C1orf141: variants seen among roughly 807,000 people sequenced by gnomAD.
C1orf141 encodes uncharacterized protein C1orf141.
C1orf141 carries 19 observed loss-of-function variants against 23.2 expected under a neutral mutation model. The observed-to-expected ratio is 0.82, with a 90% CI of 0.57 to 1.20. The LOEUF (loss-of-function observed/expected upper bound fraction) is 1.20. Ranked by LOEUF, C1orf141 falls within the 50% of genes most tolerant of loss-of-function variation. The probability of loss-of-function intolerance (pLI) is 0.00; values close to 1 mark genes in which losing one functional copy is unlikely to be tolerated. For missense variants in C1orf141, 469 were observed against 455.1 expected (o/e 1.03, Z -0.28); for synonymous variants, 153 against 154.6 (o/e 0.99, Z 0.08).
chr1:67,109,648 T>C (rs1395666515), intron 5 of C1orf141, among the ~76,000 whole-genome samples: 1 of 152,252 alleles, frequency 6.6e-6, no homozygotes, highest in Non-Finnish European at 1.5e-5. Context: ...GGTTCTGTCA[T>C]ATACTATTTG....
At chr1:67,123,823 C>G (rs1646349887) in intron 4 of C1orf141, 1 of 151,998 alleles carries the variant, frequency 6.6e-6, no homozygotes, top group African/African-American at 2.4e-5. Flanking sequence ...GATATCTCTA[C>G]CTGAATGTTT....
chr1:67,117,378 G>A (rs530221717), intron 4 of C1orf141, among the ~76,000 whole-genome samples: 13 of 152,238 alleles, frequency 8.5e-5, no homozygotes, highest in African/African-American at 2.2e-4. Context: ...AGCTGAGATC[G>A]TGCCACTGCA....
At position 67,102,307 on chromosome 1, in the gene C1orf141, CGTGTGTGT is replaced by C. The variant is rs57508145; in HGVS notation, c.347-5994_347-5987del. Among the ~76,000 whole-genome samples the C allele has an allele frequency of 5.4e-3, 748 of 139,594 alleles. 5 individuals are homozygous for C. Among genetic ancestry groups the C allele is most frequent in the East Asian group, 0.026 (123 of 4,730 alleles). 91.6% of individuals were successfully genotyped at this position (139,594 alleles called of 152,430 possible). A position where few individuals can be genotyped will look rare whatever the true frequency, so the allele number is the denominator to read the frequency against. ...CTCTAGGAAGATGAATCTTCTGCTC[CGTGTGTGT>C]GTGTGTGTGTGTGTGTGTGTGTGTG... On this transcript the variant is annotated intron_variant, in intron 5 of 7. Coordinates refer to ENST00000684719, the MANE Select transcript of C1orf141 (RefSeq NM_001276351.2).
intron 4 of C1orf141, among the ~76,000 whole-genome samples, chr1:67,120,627 C>T (rs577042442): frequency 1.1e-4 from 17 of 152,204 alleles, no homozygotes; most frequent in African/African-American, 4.1e-4. Flanking sequence ...GAGAGAGGTG[C>T]TATCTGTCTC....
chr1:67,098,075 G>A (rs2102419136), intron 5 of C1orf141, among the ~76,000 whole-genome samples: 1 of 152,246 alleles, frequency 6.6e-6, no homozygotes, highest in Non-Finnish European at 1.5e-5. Flanking sequence ...TTGTCACCCT[G>A]GCAGACGAAT....
chr1:67,131,882 T>C (rs1646522519), intron 1 of C1orf141, among the ~76,000 whole-genome samples: 1 of 151,052 alleles, frequency 6.6e-6, no homozygotes, highest in African/African-American at 2.4e-5. Context: ...CCTCCCGGGT[T>C]CAAGTGATTC....
At position 67,112,418 on chromosome 1, in the gene C1orf141, T is replaced by C. The variant is rs145456752; in HGVS notation, c.346+2934A>G. ...AATAAACAAACAAAAAAACAAGACA[T>C]TGGACTTGTGCAGTGGCTTACACCT... On this transcript the variant is annotated intron_variant, in intron 5 of 7. Transcript: ENST00000684719. 3.7e-3 allele frequency among the ~76,000 whole-genome samples: 569 copies of C among 152,148 alleles called. 2 individuals are homozygous for C. The highest frequency in any genetic ancestry group is 0.017 in the Middle Eastern group (5 of 294).
At chr1:67,127,712 G>A (rs1646443102) in intron 2 of C1orf141, among the ~76,000 whole-genome samples, 1 of 152,088 alleles carries the variant, frequency 6.6e-6, no homozygotes, top group Admixed American at 6.6e-5. Flanking sequence ...TTGGCTCACT[G>A]CAACCTCCAC....
intron 5 of C1orf141, among the ~76,000 whole-genome samples, chr1:67,107,638 C>T (rs1045226991): frequency 6.6e-6 from 1 of 152,172 alleles, no homozygotes; most frequent in Non-Finnish European, 1.5e-5. Context: ...CCTGTAATCC[C>T]CGCACTTTGG....
chr1:67,121,887 C>T (rs1484783581), intron 4 of C1orf141: 5 of 152,098 alleles, frequency 3.3e-5, no homozygotes, highest in Non-Finnish European at 1.5e-5. Context: ...CTGACCATAC[C>T]CCTCTCCATT....
In C1orf141 at chr1:67,115,422, A is replaced by G. The variant is rs1336261544; in HGVS notation, c.276T>C (p.Asn92=). The G allele has an allele frequency of 2.0e-6, 3 of 1,511,514 alleles. No homozygotes were observed. Among genetic ancestry groups the G allele is most frequent in the Non-Finnish European group, 1.8e-6 (2 of 1,101,004 alleles). The allele number at this position is 1,511,514 out of a possible 1,614,324, so 93.6% of individuals were successfully genotyped here. ...ATGGTCTTAAATTTGACTTTTCAAA[A>G]TTACTCTTTCTAGGTTCAGGCTCAC... ...FKCEPEPRKS[N]FEKSNLRPFF... The change falls in exon 5 of 8, where the codon AAT becomes AAC. Residue 92 remains asparagine (N), a synonymous_variant. Transcript: ENST00000684719.
chr1:67,099,586 C>G (rs951165327), intron 5 of C1orf141, among the ~76,000 whole-genome samples: 5 of 152,110 alleles, frequency 3.3e-5, no homozygotes, highest in Admixed American at 1.3e-4. Flanking sequence ...TTGAGAGCAG[C>G]CTGACCAATA....
At chr1:67,095,589 G>A (rs1192225936) in intron 6 of C1orf141, 168 bp from the exon 7 acceptor site, 5 of 504,988 alleles carry the variant, frequency 9.9e-6, no homozygotes, top group African/African-American at 5.9e-5. Flanking sequence ...GTTTGTGGGA[G>A]AAAACAGCAA....
chr1:67,140,974 C>A (rs1646631796), intron 1 of C1orf141, among the ~76,000 whole-genome samples: 1 of 151,936 alleles, frequency 6.6e-6, no homozygotes. Flanking sequence ...TTTTCCAAAG[C>A]CTATGATCTG....
chr1:67,093,466 C>T lies in C1orf141; in HGVS notation c.742G>A (p.Glu248Lys). Residue 248 changes from glutamate to lysine, a missense_variant, in exon 8 of 8, where the codon GAA (glutamate) becomes AAA (lysine). Transcript: ENST00000684719. ...YPHKRTNFIL[E>K]RNCEILKSII... ...GATTTGAGGATTTCACAATTTCTTT[C>T]TAAAATGAAATTTGTTCTTTTATGT... 6.2e-7 allele frequency: 1 copy of T among 1,609,826 alleles called. No homozygotes were observed.
At chr1:67,116,751 G>A (rs944361203) in intron 4 of C1orf141, among the ~76,000 whole-genome samples, 6 of 151,946 alleles carry the variant, frequency 3.9e-5, no homozygotes, top group African/African-American at 1.5e-4. Context: ...AGGAATTTAG[G>A]CTCCACTTAA....
chr1:67,112,506 A>G (rs1044295984), intron 5 of C1orf141, among the ~76,000 whole-genome samples: 1 of 152,150 alleles, frequency 6.6e-6, no homozygotes, highest in African/African-American at 2.4e-5. Flanking sequence ...GTTTGAGACT[A>G]GCCTGGGCAA....
At chr1:67,100,329 G>A (rs1371000569) in intron 5 of C1orf141, among the ~76,000 whole-genome samples, 1 of 151,916 alleles carries the variant, frequency 6.6e-6, no homozygotes, top group African/African-American at 2.4e-5. Flanking sequence ...TCCTACACCT[G>A]CTTTTCAGAT....
At chr1:67,134,124 C>A (rs914453503) in intron 1 of C1orf141, among the ~76,000 whole-genome samples, 3 of 152,340 alleles carry the variant, frequency 2.0e-5, no homozygotes, top group Admixed American at 2.0e-4. Context: ...CTGCCTCAGC[C>A]TCCCCAGTAG....
Sources: allele counts gnomAD v4.1 joint callset (sites outside exome capture counted in the v4.1 genomes callset), GRCh38; gene constraint gnomAD v4.1.1; transcripts MANE v1.5; gene names NCBI Gene and HGNC (gene_info 2026-07-23, HGNC 2026-07-21).